The following MAP6 variants were observed in gnomAD, a reference collection of about 807,000 sequenced individuals.
MAP6 encodes microtubule associated protein 6, also known as microtubule-associated protein 6.
Under a neutral mutation model 42.4 loss-of-function variants are expected in MAP6, and 26 were observed. The observed-to-expected ratio is 0.61, with a 90% CI of 0.45 to 0.85. MAP6 has a LOEUF of 0.85. MAP6 is among the 40% of genes least tolerant of loss of function. MAP6 has a pLI of 0.00. For missense variants in MAP6, 966 were observed against 1,099.0 expected (o/e 0.88, Z 1.71); for synonymous variants, 418 against 443.8 (o/e 0.94, Z 0.73).
chr11:75,603,140 A>G, intron 3 of MAP6: 2 of 985,526 alleles, frequency 2.0e-6, no homozygotes, highest in Non-Finnish European at 2.4e-6. Flanking sequence ...GAATGGGAGC[A>G]CAGACAGGAC....
intron 1 of MAP6, among the ~76,000 whole-genome samples, chr11:75,650,043 C>T (rs1943623096): frequency 6.6e-6 from 1 of 152,148 alleles, no homozygotes; most frequent in Non-Finnish European, 1.5e-5. Flanking sequence ...GCCATGAGCT[C>T]CCTCCCTCTT....
intron 3 of MAP6, 188 bp downstream of exon 3, chr11:75,605,620 C>CA: frequency 7.2e-7 from 1 of 1,388,880 alleles, no homozygotes. Flanking sequence ...GCCTGCCACT[C>CA]AGTCTGTGAA....
rs1484325888 is a variant in MAP6, at chr11:75,667,796, C to G, written c.574G>C (p.Gly192Arg). ...AASQASAPIL[G>R]APKRRPQSQE... Reference sequence around the variant, plus strand: ...CTCTGCGGCCGGCGCTTGGGCGCCCCGAGAATGGGCGCCGACGCCTGGGAG... The same window carrying G: ...CTCTGCGGCCGGCGCTTGGGCGCCCGGAGAATGGGCGCCGACGCCTGGGAG... The change falls in exon 1 of 4, where the codon GGG (glycine) becomes CGG (arginine). Residue 192 changes from glycine (G) to arginine (R), a missense_variant. Gly to Arg is a moderately radical substitution (Grantham distance 125, BLOSUM62 -2). This residue lies in a region of MAP6 where 943 missense variants were observed against 1,049.9 expected (regional missense o/e 0.90). Coordinates refer to ENST00000304771, the MANE Select transcript of MAP6 (RefSeq NM_033063.2). The surrounding 1 kb of genome is among the most constrained non-coding windows in gnomAD (Gnocchi z 5.6). 3.1e-6 allele frequency: 4 copies of G among 1,308,768 alleles called. No homozygotes were observed. The highest frequency in any genetic ancestry group is 3.1e-5 in the East Asian group (1 of 31,954). The allele number at this position is 1,308,768 out of a possible 1,614,324, so 81.1% of individuals were successfully genotyped here. A position where few individuals can be genotyped will look rare whatever the true frequency, so the allele number is the denominator to read the frequency against.
At chr11:75,591,057 G>C (rs1942468894) in intron 3 of MAP6, among the ~76,000 whole-genome samples, 1 of 152,116 alleles carries the variant, frequency 6.6e-6, no homozygotes, top group Admixed American at 6.5e-5. Context: ...TAGCGTATTA[G>C]AATGTCTAAC....
chr11:75,626,787 A>G (rs974154350), intron 1 of MAP6, among the ~76,000 whole-genome samples: 4 of 152,196 alleles, frequency 2.6e-5, no homozygotes, highest in Non-Finnish European at 5.9e-5. Context: ...TTACTCATCT[A>G]GGGCCTCAGA....
intron 1 of MAP6, among the ~76,000 whole-genome samples, chr11:75,648,163 T>C (rs1590801795): frequency 2.0e-5 from 3 of 152,344 alleles, no homozygotes; most frequent in Admixed American, 2.0e-4. Flanking sequence ...GAACTCCAGA[T>C]GTATTACACA....
Position 75,587,890 on chromosome 11 carries a change from T to C in MAP6, c.1611A>G (p.Pro537=), listed in dbSNP as rs202113260. Residue 537 remains proline (P), a synonymous_variant, in exon 4 of 4, where the codon CCA becomes CCG. Coordinates refer to ENST00000304771, the MANE Select transcript of MAP6 (RefSeq NM_033063.2). ...CTGGAACCATAGGACTTTGATTCTT[T>C]GGAGGAACTGGGACCGAGGGACCTT... ...KDQGPSVPVP[P]KNQSPMVPAK... 25 of 1,613,974 alleles carry C rather than the reference T, an allele frequency of 1.5e-5. No homozygotes were observed. Among genetic ancestry groups the C allele is most frequent in the East Asian group, 2.2e-5 (1 of 44,882 alleles).
At position 75,667,844 on chromosome 11, in the gene MAP6, TG is replaced by T; in HGVS notation, c.525del (p.Lys176SerfsTer122). ...LPRRGDHPWI[P>X]KPVQISAASQ... The stretch of plus-strand genomic sequence containing the variant: ...GAGGCCGCAGAGATCTGCACGGGCT[TG>T]GGGATCCACGGGTGGTCCCCGCGGC... On this transcript the variant is annotated frameshift_variant, in exon 1 of 4. Transcript: ENST00000304771. LOFTEE classifies it high-confidence loss of function. The surrounding 1 kb of genome is among the most constrained non-coding windows in gnomAD (Gnocchi z 5.6). The T allele has an allele frequency of 7.0e-7, 1 of 1,427,040 alleles. No homozygotes were observed. Among genetic ancestry groups the T allele is most frequent in the South Asian group, 1.4e-5 (1 of 69,256 alleles). The allele number at this position is 1,427,040 out of a possible 1,614,324, so 88.4% of individuals were successfully genotyped here. A position where few individuals can be genotyped will look rare whatever the true frequency, so the allele number is the denominator to read the frequency against.
Position 75,618,376 on chromosome 11 carries a change from G to A in MAP6, c.906-10054C>T, listed in dbSNP as rs189788297. On this transcript the variant is annotated intron_variant, in intron 1 of 3. Coordinates refer to ENST00000304771, the MANE Select transcript of MAP6 (RefSeq NM_033063.2). ...AATCCCAGCACTTTGGGAGGCTGAG[G>A]TGGGAGGATCACTTGAGATCAGGAG... Among the ~76,000 whole-genome samples the A allele has an allele frequency of 5.7e-3, 873 of 152,252 alleles. 3 individuals carry two copies. Among genetic ancestry groups the A allele is most frequent in the African/African-American group, 0.015 (626 of 41,562 alleles).
chr11:75,667,934 A>C lies in MAP6; in HGVS notation c.436T>G (p.Ser146Ala), dbSNP rs1475813702. The change falls in exon 1 of 4, where the codon TCC (serine) becomes GCC (alanine). Residue 146 changes from serine (S) to alanine (A), a missense_variant. Ser to Ala is a moderately conservative substitution (Grantham distance 99, BLOSUM62 1). Around this residue, in one of 2 missense-constraint regions of MAP6, gnomAD observed 943 missense variants for 1,049.9 expected, o/e 0.90. Transcript: ENST00000304771. The surrounding 1 kb of genome is among the most constrained non-coding windows in gnomAD (Gnocchi z 5.6). The part of the protein sequence containing the change: ...SCRPRSEYQP[S>A]DAPFERETQY... ...GTCTCGCGCTCGAAGGGAGCGTCGGAGGGCTGGTATTCGCTGCGCGGCCGG... is the reference window on the plus strand; with the variant it reads ...GTCTCGCGCTCGAAGGGAGCGTCGGCGGGCTGGTATTCGCTGCGCGGCCGG... 1.5e-6 allele frequency: 2 copies of C among 1,378,252 alleles called. No homozygotes were observed. Among genetic ancestry groups the C allele is most frequent in the African/African-American group, 1.5e-5 (1 of 66,834 alleles). The allele number at this position is 1,378,252 out of a possible 1,614,324, so 85.4% of individuals were successfully genotyped here. A position where few individuals can be genotyped will look rare whatever the true frequency, so the allele number is the denominator to read the frequency against.
At chr11:75,602,394 C>A (rs755507863) in intron 3 of MAP6, among the ~76,000 whole-genome samples, 1 of 152,142 alleles carries the variant, frequency 6.6e-6, no homozygotes, top group Non-Finnish European at 1.5e-5. Context: ...CGACTGTCAC[C>A]CCCACAACCC....
At position 75,667,883 on chromosome 11, in the gene MAP6, A is replaced by T; in HGVS notation, c.487T>A (p.Trp163Arg). Residue 163 changes from tryptophan (W) to arginine (R), a missense_variant, in exon 1 of 4, where the codon TGG (tryptophan) becomes AGG (arginine). This residue lies in a region of MAP6 where 943 missense variants were observed against 1,049.9 expected (regional missense o/e 0.90). Coordinates refer to ENST00000304771, the MANE Select transcript of MAP6 (RefSeq NM_033063.2). This position sits in a 1 kb window ranked among gnomAD's most constrained non-coding sequence, Gnocchi z 5.6. ...TGGTCCCCGCGGCGCGGCAGCGGCC[A>T]GGCGCGGAAGTCCTTCTGGTACTGG... ...ETQYQKDFRA[W>R]PLPRRGDHPW... The T allele has an allele frequency of 6.9e-7, 1 of 1,447,524 alleles. No homozygotes were observed. Among genetic ancestry groups the T allele is most frequent in the Non-Finnish European group, 9.1e-7 (1 of 1,097,676 alleles). The allele number at this position is 1,447,524 out of a possible 1,614,324, so 89.7% of individuals were successfully genotyped here.
At chr11:75,653,469 A>C (rs1468645333) in intron 1 of MAP6, among the ~76,000 whole-genome samples, 2 of 152,222 alleles carry the variant, frequency 1.3e-5, no homozygotes, top group African/African-American at 4.8e-5. Flanking sequence ...CCATTCTCTG[A>C]CCTGTGGCAC....
In MAP6 at chr11:75,621,108, G is replaced by T. The variant is rs1018567203; in HGVS notation, c.906-12786C>A. On this transcript the variant is annotated intron_variant, in intron 1 of 3. Coordinates refer to ENST00000304771, the MANE Select transcript of MAP6 (RefSeq NM_033063.2). ...GTTGTGCCACTGCACTCCAGCCTGGGTGACAGAGTGAGACTCCATCTCAAA... is the reference window on the plus strand; with the variant it reads ...GTTGTGCCACTGCACTCCAGCCTGGTTGACAGAGTGAGACTCCATCTCAAA... Among the ~76,000 whole-genome samples the T allele has an allele frequency of 7.3e-5, 11 of 151,578 alleles. 1 individual carries two copies. Among genetic ancestry groups the T allele is most frequent in the Admixed American group, 5.9e-4 (9 of 15,226 alleles).
Position 75,667,338 on chromosome 11 carries a change from A to C in MAP6, c.905+127T>G. On this transcript the variant is annotated intron_variant, in intron 1 of 3. Coordinates refer to ENST00000304771, the MANE Select transcript of MAP6 (RefSeq NM_033063.2). This position sits in a 1 kb window ranked among gnomAD's most constrained non-coding sequence, Gnocchi z 5.6. ...GAGGTGGCCTGGGAGGCGGCTGGGG[A>C]GAGGGTGTGGCCTGGGACTGGAGGG... The C allele has an allele frequency of 1.2e-6, 1 of 849,596 alleles. No homozygotes were observed. Among genetic ancestry groups the C allele is most frequent in the Non-Finnish European group, 1.7e-6 (1 of 604,368 alleles). 52.6% of individuals were successfully genotyped at this position (849,596 alleles called of 1,614,324 possible).
At chr11:75,651,562 C>A (rs1214588972) in intron 1 of MAP6, among the ~76,000 whole-genome samples, 1 of 152,138 alleles carries the variant, frequency 6.6e-6, no homozygotes, top group Non-Finnish European at 1.5e-5. Flanking sequence ...CCGAAGGGAA[C>A]CCCACACAAA....
chr11:75,596,053 A>G (rs1282905265), intron 3 of MAP6: 2 of 152,214 alleles, frequency 1.3e-5, no homozygotes, highest in African/African-American at 2.4e-5. Context: ...TGACATGAAA[A>G]TGTTTTCCTA....
chr11:75,658,399 C>A (rs998067102), intron 1 of MAP6, among the ~76,000 whole-genome samples: 5 of 104,012 alleles, frequency 4.8e-5, no homozygotes, highest in Admixed American at 2.0e-4. Flanking sequence ...TTTCTCCACC[C>A]CCCCCGCCCC....
At chr11:75,648,232 G>C (rs1200076450) in intron 1 of MAP6, among the ~76,000 whole-genome samples, 3 of 152,196 alleles carry the variant, frequency 2.0e-5, no homozygotes, top group African/African-American at 7.2e-5. Flanking sequence ...AGTGGCTCAA[G>C]CTTGTAATCC....
Sources: gnomAD v4.1 joint callset for allele counts (sites outside exome capture counted in the v4.1 genomes callset) on GRCh38, gnomAD v4.1.1 for gene constraint, gnomAD v4.1.1 regional missense constraint, Gnocchi (gnomAD v3.1) non-coding constraint, MANE v1.5 for transcripts, NCBI Gene and HGNC (gene_info 2026-07-23, HGNC 2026-07-21) for gene names.